LDB2: variants seen among roughly 807,000 people sequenced by gnomAD.
The protein encoded by LDB2 is LIM domain binding 2.
LDB2 carries 12 observed loss-of-function variants against 44.3 expected under a neutral mutation model. That is an observed-to-expected ratio of 0.27 (90% CI 0.17 to 0.44). The LOEUF (loss-of-function observed/expected upper bound fraction) is 0.44. LDB2 is among the 20% of genes least tolerant of loss of function. LDB2 has a pLI of 1.00. For missense variants in LDB2, 344 were observed against 473.5 expected, an observed-to-expected ratio of 0.73 and a Z score of 2.54; for synonymous variants, 164 against 174.8, an observed-to-expected ratio of 0.94 and a Z score of 0.49.
At chr4:16,792,041 A>G (rs1326560759) in intron 1 of LDB2, among the ~76,000 whole-genome samples, 5 of 152,230 alleles carry the variant, frequency 3.3e-5, no homozygotes, top group Non-Finnish European at 7.3e-5. Context: ...GAACAGTCTC[A>G]TAATCTTGAT....
chr4:16,870,885 C>T (rs1363581238), intron 1 of LDB2, among the ~76,000 whole-genome samples: 1 of 152,132 alleles, frequency 6.6e-6, no homozygotes, highest in Non-Finnish European at 1.5e-5. Flanking sequence ...CCGCCCACCT[C>T]GGCCTCCCAA....
chr4:16,752,854 G>A (rs1468304357), intron 2 of LDB2, among the ~76,000 whole-genome samples: 5 of 151,880 alleles, frequency 3.3e-5, no homozygotes, highest in South Asian at 2.1e-4. Flanking sequence ...TCCAAAATCC[G>A]TGAATGTTAT....
At chr4:16,618,642 G>A (rs763001984) in intron 2 of LDB2, among the ~76,000 whole-genome samples, 2 of 152,214 alleles carry the variant, frequency 1.3e-5, no homozygotes, top group Non-Finnish European at 2.9e-5. Context: ...TCAACAGAGA[G>A]GACAGTGCGG....
At chr4:16,884,049 C>A (rs1686008045) in intron 1 of LDB2, among the ~76,000 whole-genome samples, 1 of 152,208 alleles carries the variant, frequency 6.6e-6, no homozygotes, top group South Asian at 2.1e-4. Context: ...GACAGATGTG[C>A]TCCAAGACAG....
chr4:16,843,790 T>C (rs1448968788), intron 1 of LDB2, among the ~76,000 whole-genome samples: 1 of 151,942 alleles, frequency 6.6e-6, no homozygotes, highest in Non-Finnish European at 1.5e-5. Flanking sequence ...CCCAGCTAAT[T>C]TTTTGTATGT....
At chr4:16,748,645 C>T (rs1406416613) in intron 2 of LDB2, among the ~76,000 whole-genome samples, 1 of 152,138 alleles carries the variant, frequency 6.6e-6, no homozygotes, top group Non-Finnish European at 1.5e-5. Context: ...GATTAAGCTA[C>T]ACATTGGATT....
chr4:16,530,882 C>T (rs1190458023), intron 5 of LDB2, among the ~76,000 whole-genome samples: 1 of 152,132 alleles, frequency 6.6e-6, no homozygotes, highest in Non-Finnish European at 1.5e-5. Flanking sequence ...TAATTTTATC[C>T]TCATTTTAGA....
intron 3 of LDB2, among the ~76,000 whole-genome samples, chr4:16,595,448 A>G (rs1720587217): frequency 6.6e-6 from 1 of 152,162 alleles, no homozygotes; most frequent in African/African-American, 2.4e-5. Flanking sequence ...AAAAGGCACT[A>G]GAACCTCTCT....
chr4:16,678,370 T>C (rs965996983), intron 2 of LDB2, among the ~76,000 whole-genome samples: 1 of 152,236 alleles, frequency 6.6e-6, no homozygotes, highest in Non-Finnish European at 1.5e-5. Context: ...TACATTAGAC[T>C]GGACATACTG....
At chr4:16,671,135 G>A (rs190876293) in intron 2 of LDB2, among the ~76,000 whole-genome samples, 116 of 151,132 alleles carry the variant, frequency 7.7e-4, no homozygotes, top group African/African-American at 2.6e-3. Context: ...AAAAACAAGT[G>A]CTTAGAGCTT....
At chr4:16,869,280 T>C (rs2110330337) in intron 1 of LDB2, among the ~76,000 whole-genome samples, 1 of 150,820 alleles carries the variant, frequency 6.6e-6, no homozygotes, top group South Asian at 2.1e-4. Context: ...AAGGGCAGAA[T>C]TCTAGTACAC....
chr4:16,783,009 C>T (rs1358257582), intron 1 of LDB2, among the ~76,000 whole-genome samples: 1 of 152,116 alleles, frequency 6.6e-6, no homozygotes. Context: ...CTCTCTCTCT[C>T]CAGGAGATGA....
At chr4:16,742,033 CT>C (rs1373172024) in intron 2 of LDB2, among the ~76,000 whole-genome samples, 5 of 146,290 alleles carry the variant, frequency 3.4e-5, no homozygotes, top group African/African-American at 1.0e-4. Flanking sequence ...TACACCATTT[CT>C]TTTTTTCTTT....
chr4:16,808,971 C>T (rs1170866290), intron 1 of LDB2, among the ~76,000 whole-genome samples: 1 of 152,080 alleles, frequency 6.6e-6, no homozygotes, highest in African/African-American at 2.4e-5. Context: ...CATTTTGTGG[C>T]CCTGTTTTAA....
chr4:16,592,782 TGGCCATAACTTTG>T (rs1198625338), intron 3 of LDB2, among the ~76,000 whole-genome samples: 2 of 151,968 alleles, frequency 1.3e-5, no homozygotes, highest in Non-Finnish European at 2.9e-5. Flanking sequence ...TGGCCAATAA[TGGCCATAACTTTG>T]TTTCAGTGTG....
At position 16,597,324 on chromosome 4, in the gene LDB2, C is replaced by T. The variant is rs571018443; in HGVS notation, c.236-1449G>A. On this transcript the variant is annotated intron_variant, in intron 2 of 7. Coordinates refer to ENST00000304523, the MANE Select transcript of LDB2 (RefSeq NM_001290.5). ...TGTCTGCTAAATATTCCAGGATTTT[C>T]GGTGATTCCATCCTAGATAATCTTT... 4.6e-5 allele frequency among the ~76,000 whole-genome samples: 7 copies of T among 152,190 alleles called. No individual in the cohort carries two copies. The South Asian group carries it at 8.3e-4, about 18-fold the overall frequency.
rs748150349 is a variant in LDB2, at chr4:16,502,769, G to A, written c.996C>T (p.Asn332=). Residue 332 remains asparagine (N), a synonymous_variant, in exon 8 of 8, where the codon AAC becomes AAT. Transcript: ENST00000304523. ...RLENTQYDAA[N]GMDDEEDFNN... ...TGAAGTCCTCCTCGTCGTCCATGCC[G>A]TTGGCCGCATCATATTGCGTGTTTT... 44 of 1,614,010 alleles carry A rather than the reference G, an allele frequency of 2.7e-5. No homozygotes were observed. Among genetic ancestry groups the A allele is most frequent in the Non-Finnish European group, 3.5e-5 (41 of 1,179,982 alleles).
At chr4:16,560,667 A>G (rs1490243236) in intron 5 of LDB2, among the ~76,000 whole-genome samples, 5 of 152,224 alleles carry the variant, frequency 3.3e-5, no homozygotes, top group Non-Finnish European at 7.4e-5. Context: ...ATTCCTTCTG[A>G]AACTATTCCA....
chr4:16,894,441 T>A (rs966866430), intron 1 of LDB2, among the ~76,000 whole-genome samples: 1 of 152,124 alleles, frequency 6.6e-6, no homozygotes, highest in Non-Finnish European at 1.5e-5. Context: ...GAAAAAAAAA[T>A]TTATTTCCCA....
Sources: gnomAD v4.1 joint callset for allele counts (sites outside exome capture counted in the v4.1 genomes callset) on GRCh38, gnomAD v4.1.1 for gene constraint, MANE v1.5 for transcripts, NCBI Gene and HGNC (gene_info 2026-07-23, HGNC 2026-07-21) for gene names.